The following SLC2A10 variants were observed in gnomAD, a reference collection of about 807,000 sequenced individuals.
The protein encoded by SLC2A10 is solute carrier family 2, facilitated glucose transporter member 10.
In SLC2A10, 25 loss-of-function variants were observed where a neutral mutation model predicts 32.1. The ratio of observed to expected loss-of-function variants is 0.78; its 90% CI spans 0.57 to 1.09. The LOEUF (loss-of-function observed/expected upper bound fraction) is 1.09, where lower values mean the gene tolerates loss of function less well. Among genes scored for constraint, SLC2A10 ranks in the 50% least tolerant of loss-of-function variants. The probability of loss-of-function intolerance (pLI) is 0.00; values close to 1 mark genes in which losing one functional copy is unlikely to be tolerated. For synonymous variants in SLC2A10, 332 were observed against 309.6 expected, an observed-to-expected ratio of 1.07 and a Z score of -0.76; for missense variants, 673 against 686.5, an observed-to-expected ratio of 0.98 and a Z score of 0.22.
intron 1 of SLC2A10, chr20:46,709,957 G>A (rs989979385): frequency 3.5e-6 from 2 of 567,438 alleles, no homozygotes; most frequent in Non-Finnish European, 3.0e-6. Context: ...TTCTGCCCCG[G>A]AAAAGTGGCC....
intron 3 of SLC2A10, among the ~76,000 whole-genome samples, chr20:46,728,694 T>C (rs1980114096): frequency 6.8e-6 from 1 of 147,784 alleles, no homozygotes; most frequent in South Asian, 2.2e-4. Context: ...CTCGGCTCAC[T>C]GCAGCCTTGA....
chr20:46,712,680 G>GTT (rs1979000314), intron 1 of SLC2A10, among the ~76,000 whole-genome samples: 2 of 88,102 alleles, frequency 2.3e-5, no homozygotes, highest in African/African-American at 9.1e-5. Context: ...TTTTGACAAA[G>GTT]TCTGGCTCTG....
At chr20:46,708,898 C>T (rs543958483), upstream of SLC2A10, among the ~76,000 whole-genome samples, 1 of 152,208 alleles carries the variant, frequency 6.6e-6, no homozygotes, top group African/African-American at 2.4e-5. Flanking sequence ...GTTCCCCCTG[C>T]GGGGAATGCC....
chr20:46,722,581 G>T (rs1276584461), intron 1 of SLC2A10, among the ~76,000 whole-genome samples: 1 of 152,192 alleles, frequency 6.6e-6, no homozygotes, highest in East Asian at 1.9e-4. Flanking sequence ...GGTATGTGGG[G>T]CCCAAATATC....
upstream of SLC2A10, among the ~76,000 whole-genome samples, chr20:46,708,953 C>T (rs1291968103): frequency 6.6e-6 from 1 of 152,244 alleles, no homozygotes; most frequent in Non-Finnish European, 1.5e-5. Flanking sequence ...CAAGCTAAAG[C>T]AGCCACCTGT....
chr20:46,733,740 A>G lies in SLC2A10; in HGVS notation c.1548-16A>G, dbSNP rs773582537. On this transcript the variant is annotated splice_polypyrimidine_tract_variant and intron_variant, in intron 4 of 4. Transcript: ENST00000359271. ...GCCCTGCCACCCCCTGATCCCACGC[A>G]TTCTTTGTCTGACAGGTTCACCCTG... The G allele has an allele frequency of 6.2e-7, 1 of 1,613,082 alleles. No homozygotes were observed. The highest frequency in any genetic ancestry group is 8.5e-7 in the Non-Finnish European group (1 of 1,179,184).
intron 1 of SLC2A10, among the ~76,000 whole-genome samples, chr20:46,717,230 A>C (rs144364723): frequency 2.9e-3 from 434 of 152,196 alleles, no homozygotes; most frequent in African/African-American, 1.0e-2. Flanking sequence ...AAAAAATGGA[A>C]AAAAAACCCA....
rs534148092 is a variant in SLC2A10 at position 46,729,734 on chromosome 20, C to T, written c.1547+246C>T. 1.0e-4 allele frequency among the ~76,000 whole-genome samples: 15 copies of T among 148,182 alleles called. No individual in the cohort carries two copies. In the South Asian group the frequency reaches 2.8e-3, roughly 28 times the overall value. ...TCGGCTCACTGCAAGCTCCGCCTCC[C>T]GGGTTCACGCCATTCTCCTGCCTCA... On this transcript the variant is annotated intron_variant, in intron 4 of 4. Transcript: ENST00000359271.
intron 3 of SLC2A10, 53 bp from the exon 4 acceptor site, chr20:46,729,300 G>A: frequency 6.2e-7 from 1 of 1,610,960 alleles, no homozygotes; most frequent in Non-Finnish European, 8.5e-7. Context: ...GGCCCAGGCT[G>A]CGGGGCCAGA....
Position 46,725,118 on chromosome 20 carries a change from G to A in SLC2A10, c.82G>A (p.Val28Ile). 6.2e-7 allele frequency: 1 copy of A among 1,614,234 alleles called. No individual in the cohort carries two copies. The highest frequency in any genetic ancestry group is 1.6e-4 in the Middle Eastern group (1 of 6,062). Residue 28 changes from valine to isoleucine, a missense_variant, in exon 2 of 5, where the codon GTC (valine) becomes ATC (isoleucine). Val to Ile is a conservative substitution (Grantham distance 29). Coordinates refer to ENST00000359271, the MANE Select transcript of SLC2A10 (RefSeq NM_030777.4). Reference protein sequence around the residue: ...GGLTFGYELAVISGALLPLQL... With the variant: ...GGLTFGYELAIISGALLPLQL... Reference sequence around the variant, plus strand: ...CCTGACCTTTGGTTATGAACTGGCAGTCATATCAGGTGCCCTGCTGCCACT... The same window carrying A: ...CCTGACCTTTGGTTATGAACTGGCAATCATATCAGGTGCCCTGCTGCCACT...
At chr20:46,726,827 A>T in intron 2 of SLC2A10, 37 bp from the exon 3 acceptor site, 1 of 1,613,764 alleles carries the variant, frequency 6.2e-7, no homozygotes, top group South Asian at 1.1e-5. Flanking sequence ...CCCAGGTCCC[A>T]CCACAGCCCA....
chr20:46,725,082 T>C lies in SLC2A10; in HGVS notation c.46T>C (p.Leu16=). 1.9e-6 allele frequency: 3 copies of C among 1,614,216 alleles called. No individual in the cohort carries two copies. Among genetic ancestry groups the C allele is most frequent in the Non-Finnish European group, 2.5e-6 (3 of 1,180,036 alleles). ...CCTGCCTTTGTGTGCCTCTGTGTCT[T>C]TGCTGGGTGGCCTGACCTTTGGTTA... The part of the protein sequence containing the change: ...PVLPLCASVS[L]LGGLTFGYEL... The change falls in exon 2 of 5, where the codon TTG becomes CTG. Residue 16 remains leucine (L), a synonymous_variant. Transcript: ENST00000359271.
intron 1 of SLC2A10, among the ~76,000 whole-genome samples, chr20:46,716,053 T>TA (rs1979217842): frequency 6.6e-6 from 1 of 152,128 alleles, no homozygotes. Context: ...AGGTTGCACT[T>TA]ACTACTTTTG....
At position 46,726,977 on chromosome 20, in the gene SLC2A10, G is replaced by A. The variant is rs768345011; in HGVS notation, c.1402G>A (p.Asp468Asn). Residue 468 changes from aspartate to asparagine, a missense_variant, in exon 3 of 5, where the codon GAT becomes AAT. By Grantham distance (23) the Asp-to-Asn change is conservative (BLOSUM62 1). Coordinates refer to ENST00000359271, the MANE Select transcript of SLC2A10 (RefSeq NM_030777.4). ...CCTCTTCATCAGCCTCTCCTTCCTC[G>A]ATCTCATTGGTGAGTCCTTCCCAGA... ...ANLFISLSFL[D>N]LIGTIGLSWT... is the part of the protein sequence containing the mutation. The A allele has an allele frequency of 1.4e-5, 22 of 1,614,076 alleles. No individual in the cohort carries two copies. The highest frequency in any genetic ancestry group is 5.0e-5 in the Admixed American group (3 of 60,010).
intron 4 of SLC2A10, among the ~76,000 whole-genome samples, chr20:46,733,259 T>C (rs1402287137): frequency 3.3e-5 from 5 of 152,100 alleles, no homozygotes; most frequent in Non-Finnish European, 7.4e-5. Context: ...CAGCACATCT[T>C]CCATGGCGGG....
At position 46,725,833 on chromosome 20, in the gene SLC2A10, G is replaced by A. The variant is rs369484751; in HGVS notation, c.797G>A (p.Gly266Glu). Residue 266 changes from glycine to glutamate, a missense_variant, in exon 2 of 5, where the codon GGA (glycine) becomes GAA (glutamate). Transcript: ENST00000359271. ...TTCAGCTCCGTTGGTTTCCATGGGG[G>A]ATCCTCAGCCGTGCTGGCCTCTGTG... ...TIFSSVGFHG[G>E]SSAVLASVGL... 77 of 1,614,142 alleles carry A rather than the reference G, an allele frequency of 4.8e-5. No individual in the cohort carries two copies. The highest frequency in any genetic ancestry group is 5.8e-5 in the Non-Finnish European group (69 of 1,180,046).
chr20:46,708,565 C>G (rs1054187175), upstream of SLC2A10, among the ~76,000 whole-genome samples: 1 of 152,192 alleles, frequency 6.6e-6, no homozygotes, highest in African/African-American at 2.4e-5. Flanking sequence ...TAAGTTCTTA[C>G]GGAGCATATA....
rs778830075 is a variant in SLC2A10, at chr20:46,725,198, G to C, written c.162G>C (p.Leu54=). ...CLEQEFLVGS[L]LLGALLASLV... Reference sequence around the variant, plus strand: ...AGCAGGAGTTCCTGGTGGGCAGCCTGCTCCTGGGGGCTCTCCTCGCCTCCC... The same window carrying C: ...AGCAGGAGTTCCTGGTGGGCAGCCTCCTCCTGGGGGCTCTCCTCGCCTCCC... The change falls in exon 2 of 5, where the codon CTG becomes CTC. Residue 54 remains leucine, a synonymous_variant. Coordinates refer to ENST00000359271, the MANE Select transcript of SLC2A10 (RefSeq NM_030777.4). The C allele has an allele frequency of 3.0e-5, 49 of 1,614,176 alleles. No individual in the cohort carries two copies. In the South Asian group the frequency reaches 5.1e-4, roughly 17 times the overall value.
rs1166952102 is a variant in SLC2A10 at position 46,736,253 on chromosome 20, A to G, written c.*2419A>G. On this transcript the variant is annotated 3_prime_UTR_variant, in exon 5 of 5. Transcript: ENST00000359271. ...AATTTATACACACAAAAATTAACAA[A>G]AGATTCTGTAAGAATTAATTGGCTA... 6.6e-6 allele frequency: 1 copy of G among 152,224 alleles called. No homozygotes were observed. The highest frequency in any genetic ancestry group is 1.9e-4 in the East Asian group (1 of 5,202). 9.4% of individuals were successfully genotyped at this position (152,224 alleles called of 1,614,324 possible). A position where few individuals can be genotyped will look rare whatever the true frequency, so the allele number is the denominator to read the frequency against.
Sources: allele counts gnomAD v4.1 joint callset (sites outside exome capture counted in the v4.1 genomes callset), GRCh38; gene constraint gnomAD v4.1.1; transcripts MANE v1.5; gene names NCBI Gene and HGNC (gene_info 2026-07-23, HGNC 2026-07-21).